Variants in KPNA3 observed in about 807,000 individuals in gnomAD.
KPNA3 encodes the protein karyopherin subunit alpha 3, also known as importin subunit alpha-4.
In KPNA3, 13 loss-of-function variants were observed where a neutral mutation model predicts 73.8. The ratio of observed to expected loss-of-function variants is 0.18; its 90% CI spans 0.11 to 0.28. The LOEUF is 0.28. KPNA3 is among the 10% of genes least tolerant of loss of function. The pLI, the probability that KPNA3 is intolerant of heterozygous loss-of-function variation, is 1.00. For synonymous variants in KPNA3, 186 were observed against 206.9 expected (o/e 0.90, Z 0.87); for missense variants, 360 against 618.1 (o/e 0.58, Z 4.43).
rs1225183059 is a variant in KPNA3 at position 49,703,389 on chromosome 13, C to T, written c.1373-909G>A. 2.6e-5 allele frequency among the ~76,000 whole-genome samples: 4 copies of T among 151,686 alleles called. No homozygotes were observed. In the East Asian group the frequency reaches 7.8e-4, roughly 29 times the overall value. The stretch of plus-strand genomic sequence containing the variant: ...TAGAGACGGGGTTTCACCATGTTGG[C>T]CAGGCTGGTCTCGAACTCCTGACCT... On this transcript the variant is annotated intron_variant, in intron 15 of 16. Transcript: ENST00000261667.
chr13:49,747,581 G>C (rs1954629523), intron 1 of KPNA3, among the ~76,000 whole-genome samples: 1 of 152,172 alleles, frequency 6.6e-6, no homozygotes, highest in African/African-American at 2.4e-5. Context: ...GCTACTCCTG[G>C]AGGCTGACGC....
intron 1 of KPNA3, among the ~76,000 whole-genome samples, chr13:49,770,238 T>C (rs1269887157): frequency 2.8e-5 from 4 of 142,586 alleles, no homozygotes; most frequent in Non-Finnish European, 6.0e-5. Flanking sequence ...CAGGTAGGCA[T>C]GATTACCACT....
intron 1 of KPNA3, among the ~76,000 whole-genome samples, chr13:49,770,848 A>AAG (rs1555307713): frequency 6.8e-6 from 1 of 147,984 alleles, no homozygotes; most frequent in African/African-American, 2.5e-5. Flanking sequence ...AAAAAAAAAA[A>AAG]AAAAGAAAAG....
At position 49,762,434 on chromosome 13, in the gene KPNA3, G is replaced by A. The variant is rs1375406014; in HGVS notation, c.70-15441C>T. ...TTTGTGGAATAGAAAAGGGGGAAAT[G>A]TGGGGAAAAGATAGAGAAATCAGAT... On this transcript the variant is annotated intron_variant, in intron 1 of 16. Coordinates refer to ENST00000261667, the MANE Select transcript of KPNA3 (RefSeq NM_002267.4). Among the ~76,000 whole-genome samples the A allele has an allele frequency of 2.0e-5, 3 of 152,252 alleles. No individual in the cohort carries two copies. In the East Asian group the frequency reaches 5.8e-4, roughly 29 times the overall value.
At chr13:49,711,843 A>T (rs1356908230) in intron 10 of KPNA3, among the ~76,000 whole-genome samples, 1 of 152,218 alleles carries the variant, frequency 6.6e-6, no homozygotes, top group African/African-American at 2.4e-5. Flanking sequence ...ACCCTTCAAA[A>T]AAGGATATAG....
intron 1 of KPNA3, among the ~76,000 whole-genome samples, chr13:49,787,493 G>C (rs1954992824): frequency 6.6e-6 from 1 of 152,104 alleles, no homozygotes. Flanking sequence ...AAGAGTTCTA[G>C]CTTTAGCATC....
intron 10 of KPNA3, among the ~76,000 whole-genome samples, chr13:49,719,064 C>G (rs1954331423): frequency 6.6e-6 from 1 of 152,090 alleles, no homozygotes; most frequent in Non-Finnish European, 1.5e-5. Flanking sequence ...AATTTATCCA[C>G]TGTTTTACTC....
intron 15 of KPNA3, among the ~76,000 whole-genome samples, chr13:49,704,623 A>G (rs1954189104): frequency 6.6e-6 from 1 of 152,124 alleles, no homozygotes; most frequent in Non-Finnish European, 1.5e-5. Context: ...TGACATTATG[A>G]TAAACTAATT....
chr13:49,767,822 C>T (rs1337552973), intron 1 of KPNA3, among the ~76,000 whole-genome samples: 1 of 152,160 alleles, frequency 6.6e-6, no homozygotes, highest in Non-Finnish European at 1.5e-5. Flanking sequence ...TACTGAACAT[C>T]TACAAAATAT....
Position 49,700,967 on chromosome 13 carries a change from C to A in KPNA3, c.*833G>T, listed in dbSNP as rs537777297. The stretch of plus-strand genomic sequence containing the variant: ...CAGGGACTCTTGCTTTCAACTTAAA[C>A]AGAAGTTCAAGTCCATAACAGGTTG... On this transcript the variant is annotated 3_prime_UTR_variant, in exon 17 of 17. Transcript: ENST00000261667. The A allele has an allele frequency of 6.6e-6, 1 of 152,586 alleles. No individual in the cohort carries two copies. Among genetic ancestry groups the A allele is most frequent in the Non-Finnish European group, 1.5e-5 (1 of 67,996 alleles). 9.5% of individuals were successfully genotyped at this position (152,586 alleles called of 1,614,324 possible). A position where few individuals can be genotyped will look rare whatever the true frequency, so the allele number is the denominator to read the frequency against.
chr13:49,740,578 T>A (rs753073034), intron 2 of KPNA3, among the ~76,000 whole-genome samples: 1 of 152,182 alleles, frequency 6.6e-6, no homozygotes, highest in Non-Finnish European at 1.5e-5. Flanking sequence ...TCTGCTGTCA[T>A]ATGGGATGTG....
chr13:49,701,760 T>C lies in KPNA3; in HGVS notation c.*40A>G, dbSNP rs1258574420. On this transcript the variant is annotated 3_prime_UTR_variant, in exon 17 of 17. Coordinates refer to ENST00000261667, the MANE Select transcript of KPNA3 (RefSeq NM_002267.4). ...TCATTTGGTAGCCATCTGGTGGTGCTTCATATTGAATGTGGGAAAGATGCT... is the reference window on the plus strand; with the variant it reads ...TCATTTGGTAGCCATCTGGTGGTGCCTCATATTGAATGTGGGAAAGATGCT... 1.6e-6 allele frequency: 2 copies of C among 1,217,164 alleles called. No individual in the cohort carries two copies. The highest frequency in any genetic ancestry group is 1.2e-6 in the Non-Finnish European group (1 of 818,424). 75.4% of individuals were successfully genotyped at this position (1,217,164 alleles called of 1,614,324 possible). A position where few individuals can be genotyped will look rare whatever the true frequency, so the allele number is the denominator to read the frequency against.
At chr13:49,710,616 T>C (rs887897994) in intron 11 of KPNA3, among the ~76,000 whole-genome samples, 5 of 152,268 alleles carry the variant, frequency 3.3e-5, no homozygotes, top group Non-Finnish European at 7.3e-5. Context: ...TGGGAGATGA[T>C]CGTTTCATTT....
chr13:49,703,373 G>A (rs1357326096), intron 15 of KPNA3, among the ~76,000 whole-genome samples: 2 of 150,738 alleles, frequency 1.3e-5, no homozygotes, highest in Non-Finnish European at 2.9e-5. Flanking sequence ...GTAGAGACGG[G>A]GTTTCACCAT....
intron 1 of KPNA3, among the ~76,000 whole-genome samples, chr13:49,773,541 T>C (rs968159314): frequency 1.1e-4 from 17 of 152,148 alleles, no homozygotes; most frequent in African/African-American, 4.1e-4. Flanking sequence ...AAATATTCCC[T>C]GTAATTAAAA....
At chr13:49,753,026 CAAA>C (rs71078888) in intron 1 of KPNA3, among the ~76,000 whole-genome samples, 12 of 82,198 alleles carry the variant, frequency 1.5e-4, no homozygotes, top group Admixed American at 8.4e-4. Context: ...GACTCTGTCT[CAAA>C]AAAAAAAAAA....
intron 2 of KPNA3, among the ~76,000 whole-genome samples, chr13:49,737,802 G>A (rs1012396452): frequency 1.3e-5 from 2 of 152,120 alleles, no homozygotes; most frequent in Non-Finnish European, 2.9e-5. Flanking sequence ...AGAGTTCATT[G>A]TATGTGCTGG....
rs1409318629 is a variant in KPNA3 at position 49,762,308 on chromosome 13, G to A, written c.70-15315C>T. ...AGGTGGGGGGTGCCTCTGCCCAGCCGCCCCTGCTGGGAAGTGAGGAGCCCC... is the reference window on the plus strand; with the variant it reads ...AGGTGGGGGGTGCCTCTGCCCAGCCACCCCTGCTGGGAAGTGAGGAGCCCC... On this transcript the variant is annotated intron_variant, in intron 1 of 16. Coordinates refer to ENST00000261667, the MANE Select transcript of KPNA3 (RefSeq NM_002267.4). Among the ~76,000 whole-genome samples, 5 of 151,434 alleles carry A rather than the reference G, an allele frequency of 3.3e-5. No homozygotes were observed. The South Asian group carries it at 6.3e-4, about 19-fold the overall frequency.
intron 7 of KPNA3, among the ~76,000 whole-genome samples, chr13:49,723,580 AT>A (rs1286458114): frequency 6.6e-6 from 1 of 151,142 alleles, no homozygotes; most frequent in African/African-American, 2.4e-5. Context: ...AAAAAAAAAA[AT>A]ATCATACTCA....
Sources: allele counts gnomAD v4.1 joint callset (sites outside exome capture counted in the v4.1 genomes callset), GRCh38; gene constraint gnomAD v4.1.1; transcripts MANE v1.5; gene names NCBI Gene and HGNC (gene_info 2026-07-23, HGNC 2026-07-21).